The following ASMTL variants were observed in gnomAD, a reference collection of about 807,000 sequenced individuals.
ASMTL encodes acetylserotonin O-methyltransferase like.
ASMTL carries 57 observed loss-of-function variants against 60.3 expected under a neutral mutation model. That is an observed-to-expected ratio of 0.95 (90% CI 0.76 to 1.18). The LOEUF (loss-of-function observed/expected upper bound fraction) is 1.18, where lower values mean the gene tolerates loss of function less well. Among genes scored for constraint, ASMTL ranks in the 50% most tolerant of loss-of-function variants. The pLI is 0.00. For synonymous variants in ASMTL, 419 were observed against 373.0 expected, an observed-to-expected ratio of 1.12 and a Z score of -1.42; for missense variants, 981 against 852.6, an observed-to-expected ratio of 1.15 and a Z score of -1.88.
intron 12 of ASMTL, among the ~76,000 whole-genome samples, chrX:1,404,162 A>G (rs1315626323): frequency 6.7e-6 from 1 of 150,108 alleles, no homozygotes; most frequent in Non-Finnish European, 1.5e-5. Context: ...GATGATGGGT[A>G]CGTAGGTAGA....
intron 12 of ASMTL, among the ~76,000 whole-genome samples, chrX:1,406,026 T>C (rs1460403919): frequency 6.7e-6 from 1 of 150,106 alleles, no homozygotes; most frequent in African/African-American, 2.5e-5. Context: ...GATGGGTGAA[T>C]AGATGGTAGA....
intron 1 of ASMTL, among the ~76,000 whole-genome samples, chrX:1,446,790 T>C (rs1266272739): frequency 2.0e-5 from 3 of 152,134 alleles, no homozygotes; most frequent in Non-Finnish European, 2.9e-5. Context: ...TGAGCCACCA[T>C]GCCCAGCCCA....
At chrX:1,439,182 C>T (rs367867803) in intron 2 of ASMTL, 38 bp from the exon 3 acceptor site, 1 of 1,609,176 alleles carries the variant, frequency 6.2e-7, no homozygotes, top group African/African-American at 1.3e-5. Context: ...CGGTGACGTG[C>T]CGTGGGTCTC....
upstream of ASMTL, chrX:1,452,936 G>T (rs758155482): frequency 2.0e-6 from 2 of 978,732 alleles, no homozygotes; most frequent in East Asian, 3.1e-5. Flanking sequence ...CCAGAGTCCC[G>T]CCTCCGCGAG....
At chrX:1,430,141 G>T (rs1443974405) in intron 6 of ASMTL, among the ~76,000 whole-genome samples, 1 of 151,736 alleles carries the variant, frequency 6.6e-6, no homozygotes, top group South Asian at 2.1e-4. Flanking sequence ...CAGCCTCCTG[G>T]GTAGCTGGGA....
intron 5 of ASMTL, among the ~76,000 whole-genome samples, chrX:1,432,699 G>C (rs1391944216): frequency 5.3e-5 from 8 of 151,998 alleles, no homozygotes; most frequent in Non-Finnish European, 1.0e-4. Context: ...CCTGGTAGTA[G>C]GTGCCTGTAG....
chrX:1,433,637 G>C (rs1455211071), intron 5 of ASMTL, among the ~76,000 whole-genome samples: 3 of 151,622 alleles, frequency 2.0e-5, no homozygotes, highest in Non-Finnish European at 2.9e-5. Flanking sequence ...CCGAGATGGC[G>C]CAAGTGCACT....
chrX:1,410,282 G>C (rs1178147769), intron 12 of ASMTL, among the ~76,000 whole-genome samples: 50 of 120,566 alleles, frequency 4.1e-4, no homozygotes, highest in African/African-American at 1.5e-3. Context: ...GCCAAATGCT[G>C]GTACTCCCAA....
intron 11 of ASMTL, among the ~76,000 whole-genome samples, chrX:1,415,840 G>A (rs1569531965): frequency 2.6e-5 from 4 of 151,968 alleles, no homozygotes; most frequent in African/African-American, 7.3e-5. Context: ...ACCCACGGAC[G>A]CACAGACACA....
At chrX:1,403,915 G>A (rs2089690530) in intron 12 of ASMTL, among the ~76,000 whole-genome samples, 1 of 152,130 alleles carries the variant, frequency 6.6e-6, no homozygotes, top group Admixed American at 6.5e-5. Flanking sequence ...ATGGATGGAT[G>A]GGTGAATAGA....
intron 5 of ASMTL, among the ~76,000 whole-genome samples, chrX:1,433,729 T>C (rs1393692159): frequency 6.6e-6 from 1 of 151,732 alleles, no homozygotes; most frequent in Non-Finnish European, 1.5e-5. Flanking sequence ...AGGGAGCTTC[T>C]GGTGGGTGAA....
chrX:1,420,790 A>G (rs1257739258), intron 9 of ASMTL, among the ~76,000 whole-genome samples: 3 of 151,780 alleles, frequency 2.0e-5, no homozygotes, highest in Non-Finnish European at 2.9e-5. Context: ...AGCCTGTCCA[A>G]CTCCTTCCTA....
intron 4 of ASMTL, 51 bp from the exon 5 acceptor site, chrX:1,435,134 C>A (rs747888319): frequency 6.3e-7 from 1 of 1,598,248 alleles, no homozygotes; most frequent in Admixed American, 1.7e-5. Flanking sequence ...CCCGTGGGAG[C>A]TACAAAGCGA....
intron 3 of ASMTL, among the ~76,000 whole-genome samples, chrX:1,437,675 A>G (rs2091004602): frequency 6.6e-6 from 1 of 151,698 alleles, no homozygotes; most frequent in African/African-American, 2.4e-5. Flanking sequence ...AGGCGGGTGG[A>G]TCACAAGGTC....
Position 1,427,925 on chromosome X carries a change from C to T in ASMTL, c.706G>A (p.Glu236Lys), listed in dbSNP as rs200707318. The change falls in exon 7 of 13, where the codon GAA becomes AAA. Residue 236 changes from glutamate to lysine, a missense_variant. Physicochemically the swap from Glu to Lys is moderately conservative, Grantham distance 56 (BLOSUM62 1). Coordinates refer to ENST00000381317, the MANE Select transcript of ASMTL (RefSeq NM_004192.4). ...HDSIPAADTF[E>K]DLSDVEGGGS... ...CCCCCCTCCACGTCACTGAGGTCTT[C>T]GAAGGTGTCCGCGGCCGGGATGGAG... The T allele has an allele frequency of 5.6e-6, 9 of 1,613,396 alleles. No individual in the cohort carries two copies. Among genetic ancestry groups the T allele is most frequent in the South Asian group, 1.1e-5 (1 of 91,066 alleles).
At chrX:1,403,867 G>A (rs1215049809) in intron 12 of ASMTL, among the ~76,000 whole-genome samples, 1 of 152,130 alleles carries the variant, frequency 6.6e-6, no homozygotes, top group East Asian at 1.9e-4. Flanking sequence ...GTGATGGGGA[G>A]GTACATGGAT....
intron 1 of ASMTL, among the ~76,000 whole-genome samples, chrX:1,443,649 TCATGGACACAC>T (rs2091170419): frequency 3.9e-4 from 1 of 2,588 alleles, no homozygotes; most frequent in Admixed American, 7.2e-3. Context: ...GACACCGCCA[TCATGGACACAC>T]ACCGCCATCA....
intron 9 of ASMTL, among the ~76,000 whole-genome samples, chrX:1,420,377 C>CTA (rs2090450359): frequency 6.8e-6 from 1 of 146,804 alleles, no homozygotes; most frequent in Non-Finnish European, 1.5e-5. Context: ...GTCTGCCTAT[C>CTA]TCTCTCTCTG....
At chrX:1,423,153 CG>C (rs1298623506) in intron 8 of ASMTL, among the ~76,000 whole-genome samples, 1 of 152,112 alleles carries the variant, frequency 6.6e-6, no homozygotes, top group Non-Finnish European at 1.5e-5. Context: ...GGGGTTTCAC[CG>C]TGTTAGCCAG....
Sources: gnomAD v4.1 joint callset for allele counts (sites outside exome capture counted in the v4.1 genomes callset) on GRCh38, gnomAD v4.1.1 for gene constraint, MANE v1.5 for transcripts, NCBI Gene and HGNC (gene_info 2026-07-23, HGNC 2026-07-21) for gene names.